Variants in ARSL observed in about 807,000 individuals in gnomAD.
ARSL encodes arylsulfatase E (chondrodysplasia punctata 1).
Under a neutral mutation model 31.1 loss-of-function variants are expected in ARSL, and 4 were observed. The observed-to-expected ratio is 0.13, with a 90% CI of 0.06 to 0.29. The LOEUF (loss-of-function observed/expected upper bound fraction) is 0.29, where lower values mean the gene tolerates loss of function less well. Ranked by LOEUF, ARSL falls within the 10% of genes least tolerant of loss-of-function variation. The pLI is 1.00. For synonymous variants in ARSL, 198 were observed against 209.9 expected (o/e 0.94, Z 0.49); for missense variants, 312 against 497.8 (o/e 0.63, Z 3.55).
chrX:2,960,366 A>G lies in ARSL; in HGVS notation c.23+12T>C. Reference sequence around the variant, plus strand: ...AGGAGACTACTAATGAGTGCATATAATTGTATCTTACCAAGAATGGTGCAG... The same window carrying G: ...AGGAGACTACTAATGAGTGCATATAGTTGTATCTTACCAAGAATGGTGCAG... On this transcript the variant is annotated intron_variant, in intron 2 of 10. Transcript: ENST00000381134. 8.8e-7 allele frequency: 1 copy of G among 1,142,575 alleles called. No homozygotes were observed. The highest frequency in any genetic ancestry group is 1.2e-6 in the Non-Finnish European group (1 of 836,315). The allele number at this position is 1,142,575 out of a possible 1,213,427, so 94.2% of individuals were successfully genotyped here.
intron 7 of ARSL, among the ~76,000 whole-genome samples, chrX:2,943,453 G>A (rs777704327): frequency 1.8e-5 from 2 of 110,924 alleles, no homozygotes; most frequent in East Asian, 5.7e-4. Flanking sequence ...TAAAAGTGCA[G>A]CATGCAGGCT....
intron 1 of ARSL, among the ~76,000 whole-genome samples, chrX:2,961,779 C>T (rs955459428): frequency 3.6e-5 from 4 of 110,848 alleles, no homozygotes; most frequent in East Asian, 2.8e-4. Context: ...TAAGGGCAGC[C>T]GCTACAAGAC....
chrX:2,953,055 C>G, intron 5 of ARSL, 88 bp downstream of exon 5: 1 of 1,078,490 alleles, frequency 9.3e-7, no homozygotes, highest in East Asian at 3.2e-5. Context: ...TCCCACAGCA[C>G]CTCACCCACT....
intron 10 of ARSL, among the ~76,000 whole-genome samples, chrX:2,936,103 G>A (rs2089197393): frequency 9.1e-6 from 1 of 110,474 alleles, no homozygotes; most frequent in Admixed American, 9.7e-5. Flanking sequence ...GGAGGCCGAG[G>A]AGGGTGGATC....
chrX:2,949,825 C>A (rs2089438772), intron 5 of ARSL, 98 bp from the exon 6 acceptor site: 4 of 957,250 alleles, frequency 4.2e-6, no homozygotes, highest in Non-Finnish European at 5.9e-6. Flanking sequence ...CTGTTAGACA[C>A]TGGGGGGCCA....
chrX:2,952,926 G>C (rs769462490), intron 5 of ARSL: 1 of 334,746 alleles, frequency 3.0e-6, no homozygotes, highest in Non-Finnish European at 5.1e-6. Context: ...CAAAGTACTG[G>C]GATTATAGGC....
chrX:2,963,261 C>T (rs763936177), intron 1 of ARSL, among the ~76,000 whole-genome samples: 1 of 111,265 alleles, frequency 9.0e-6, no homozygotes, highest in African/African-American at 3.3e-5. Context: ...GCATCTTCAC[C>T]GGGAAAGAGA....
In ARSL at chrX:2,942,581, C is replaced by T. The variant is rs757289403; in HGVS notation, c.1126+484G>A. Among the ~76,000 whole-genome samples, 181 of 111,258 alleles carry T rather than the reference C, an allele frequency of 1.6e-3. 1 individual carries two copies. Among genetic ancestry groups the T allele is most frequent in the Non-Finnish European group, 2.3e-3 (121 of 53,004 alleles). On this transcript the variant is annotated intron_variant, in intron 8 of 10. Transcript: ENST00000381134. ...TGCTGGGATTACAGGCATGAACCAC[C>T]GTGCCCGGCCACCTGGACCCATTTA...
At chrX:2,942,126 C>T (rs1043639703) in intron 8 of ARSL, among the ~76,000 whole-genome samples, 4 of 111,344 alleles carry the variant, frequency 3.6e-5, no homozygotes, top group African/African-American at 9.8e-5. Context: ...GGCCTTGAAG[C>T]GTGACAAGAT....
Position 2,951,321 on chromosome X carries a change from C to T in ARSL, c.431-1594G>A, listed in dbSNP as rs148783768. Reference sequence around the variant, plus strand: ...AGTGGGTGGTGGGTTTTGCAAGGCACACCTTTCAAATTCAGTCAAAGGAAT... The same window carrying T: ...AGTGGGTGGTGGGTTTTGCAAGGCATACCTTTCAAATTCAGTCAAAGGAAT... On this transcript the variant is annotated intron_variant, in intron 5 of 10. Transcript: ENST00000381134. 5.0e-3 allele frequency among the ~76,000 whole-genome samples: 552 copies of T among 111,037 alleles called. 2 individuals carry two copies. Among genetic ancestry groups the T allele is most frequent in the East Asian group, 0.024 (86 of 3,527 alleles).
chrX:2,952,634 A>C (rs2089477856), intron 5 of ARSL, among the ~76,000 whole-genome samples: 1 of 111,785 alleles, frequency 8.9e-6, no homozygotes. Context: ...AAACTAGCCA[A>C]GTTGATCCAT....
intron 8 of ARSL, among the ~76,000 whole-genome samples, chrX:2,942,602 A>G (rs1169265012): frequency 8.9e-6 from 1 of 112,070 alleles, no homozygotes; most frequent in African/African-American, 3.2e-5. Flanking sequence ...ACCTGGACCC[A>G]TTTAGATTAA....
At chrX:2,935,447 G>T (rs1400074175) in intron 10 of ARSL, among the ~76,000 whole-genome samples, 1 of 112,188 alleles carries the variant, frequency 8.9e-6, no homozygotes, top group African/African-American at 3.2e-5. Context: ...AGCACACATT[G>T]CATGATTCCA....
chrX:2,946,155 A>G (rs1465308910), intron 6 of ARSL, 21 bp from the exon 7 acceptor site: 14 of 1,208,015 alleles, frequency 1.2e-5, no homozygotes, highest in Non-Finnish European at 1.6e-5. Flanking sequence ...ATACGAAGCA[A>G]TTAAGGTGAC....
rs182309232 is a variant in ARSL at position 2,944,274 on chromosome X, T to A, written c.992-1075A>T. Among the ~76,000 whole-genome samples the A allele has an allele frequency of 7.1e-3, 771 of 108,573 alleles. 6 individuals carry two copies. The highest frequency in any genetic ancestry group is 0.024 in the African/African-American group (708 of 29,797). The allele number at this position is 108,573 out of a possible 115,157, so 94.3% of individuals were successfully genotyped here. A position where few individuals can be genotyped will look rare whatever the true frequency, so the allele number is the denominator to read the frequency against. ...TTCGAGACCAGCCTGGCCAACATGG[T>A]GAAACCCCATCTCTACTAAAAGTAC... On this transcript the variant is annotated intron_variant, in intron 7 of 10. Transcript: ENST00000381134.
chrX:2,944,222 G>A (rs1029182733), intron 7 of ARSL, among the ~76,000 whole-genome samples: 6 of 109,145 alleles, frequency 5.5e-5, no homozygotes, highest in East Asian at 2.9e-4. Flanking sequence ...TTGGGAGGCT[G>A]AGGCGGGCGG....
chrX:2,961,930 G>C (rs774024724), intron 1 of ARSL, among the ~76,000 whole-genome samples: 154 of 105,946 alleles, frequency 1.5e-3, no homozygotes, highest in African/African-American at 5.1e-3. Flanking sequence ...GCCCAGGCTG[G>C]AGTGCAATGG....
chrX:2,957,923 G>C (rs2089549126), intron 3 of ARSL, among the ~76,000 whole-genome samples: 1 of 110,760 alleles, frequency 9.0e-6, no homozygotes, highest in African/African-American at 3.3e-5. Context: ...TCGGGAGGCT[G>C]AGGCAGGAGG....
At chrX:2,959,698 C>A in intron 2 of ARSL, 7 of 1,149,648 alleles carry the variant, frequency 6.1e-6, no homozygotes, top group Non-Finnish European at 8.0e-6. Context: ...TCACGGGTCT[C>A]ATGCTTCATT....
Sources: gnomAD v4.1 joint callset for allele counts (sites outside exome capture counted in the v4.1 genomes callset) on GRCh38, gnomAD v4.1.1 for gene constraint, MANE v1.5 for transcripts, NCBI Gene and HGNC (gene_info 2026-07-23, HGNC 2026-07-21) for gene names.